Variants in WWP2 observed in about 807,000 individuals in gnomAD.
WWP2 encodes the protein WW domain containing E3 ubiquitin protein ligase 2.
In WWP2, 57 loss-of-function variants were observed where a neutral mutation model predicts 121.0. The observed-to-expected ratio is 0.47, with a 90% CI of 0.38 to 0.59. The LOEUF (loss-of-function observed/expected upper bound fraction) is 0.59, where lower values mean the gene tolerates loss of function less well. Among genes scored for constraint, WWP2 ranks in the 20% least tolerant of loss-of-function variants. WWP2 has a pLI of 0.00. For synonymous variants in WWP2, 449 were observed against 441.3 expected (o/e 1.02, Z -0.22); for missense variants, 962 against 1,158.9 (o/e 0.83, Z 2.47).
At position 69,939,023 on chromosome 16, in the gene WWP2, C is replaced by T. The variant is rs1043500340; in HGVS notation, c.2344-4C>T. On this transcript the variant is annotated splice_region_variant and splice_polypyrimidine_tract_variant and intron_variant, in intron 21 of 23. Coordinates refer to ENST00000359154, the MANE Select transcript of WWP2 (RefSeq NM_001270454.2). Reference sequence around the variant, plus strand: ...TGACTGTGCCTTGACTTGCGGACTTCCAGGTGGTGAAGGAGATGGACAACG... The same window carrying T: ...TGACTGTGCCTTGACTTGCGGACTTTCAGGTGGTGAAGGAGATGGACAACG... 1 of 1,598,034 alleles carries T rather than the reference C, an allele frequency of 6.3e-7. No homozygotes were observed. The highest frequency in any genetic ancestry group is 8.5e-7 in the Non-Finnish European group (1 of 1,171,430).
chr16:69,848,197 T>A (rs1411206667), intron 6 of WWP2, among the ~76,000 whole-genome samples: 1 of 152,178 alleles, frequency 6.6e-6, no homozygotes, highest in Non-Finnish European at 1.5e-5. Context: ...CTGGGTGTAA[T>A]CCCAGCGCTT....
intron 7 of WWP2, among the ~76,000 whole-genome samples, chr16:69,885,806 G>A (rs2057912776): frequency 6.6e-6 from 1 of 152,134 alleles, no homozygotes; most frequent in Non-Finnish European, 1.5e-5. Flanking sequence ...TGCGTGTGAG[G>A]CCTAAATGAG....
intron 6 of WWP2, among the ~76,000 whole-genome samples, chr16:69,865,964 G>T (rs1162132394): frequency 6.6e-6 from 1 of 152,176 alleles, no homozygotes; most frequent in African/African-American, 2.4e-5. Context: ...CAAGTCTTTT[G>T]AGAGGGTTGA....
At chr16:69,862,864 C>T (rs1296071406) in intron 6 of WWP2, among the ~76,000 whole-genome samples, 1 of 151,866 alleles carries the variant, frequency 6.6e-6, no homozygotes, top group Non-Finnish European at 1.5e-5. Flanking sequence ...TAGCTGGGAT[C>T]ACAGGCACTT....
At chr16:69,875,049 T>A (rs1056051989) in intron 7 of WWP2, among the ~76,000 whole-genome samples, 3 of 151,858 alleles carry the variant, frequency 2.0e-5, no homozygotes, top group Non-Finnish European at 4.4e-5. Flanking sequence ...AGCAAAAGTA[T>A]ATATCTCATA....
intron 8 of WWP2, among the ~76,000 whole-genome samples, chr16:69,892,231 T>G (rs7193038): frequency 0.64 from 97,135 of 151,896 alleles, 31,860 homozygotes; most frequent in East Asian, 0.94. Flanking sequence ...GGGTATATAT[T>G]TGCAGAATGT....
chr16:69,929,321 C>A, intron 11 of WWP2, 127 bp from the exon 12 acceptor site: 1 of 808,604 alleles, frequency 1.2e-6, no homozygotes. Context: ...TTGGCTGGTT[C>A]TTCTCTAACA....
intron 7 of WWP2, among the ~76,000 whole-genome samples, chr16:69,877,478 T>C (rs986584848): frequency 2.0e-5 from 3 of 152,220 alleles, no homozygotes; most frequent in Non-Finnish European, 4.4e-5. Flanking sequence ...CTATCACTTT[T>C]CTTGGTAAGG....
intron 1 of WWP2, among the ~76,000 whole-genome samples, chr16:69,779,942 C>CA (rs1237929416): frequency 2.0e-5 from 3 of 152,022 alleles, no homozygotes; most frequent in Non-Finnish European, 4.4e-5. Context: ...ATGAAGATAA[C>CA]AAACAGTCAT....
At chr16:69,820,685 C>G (rs2056576123) in intron 4 of WWP2, among the ~76,000 whole-genome samples, 2 of 114,946 alleles carry the variant, frequency 1.7e-5, no homozygotes, top group African/African-American at 5.3e-5. Context: ...GCGGTTCTCC[C>G]CATATACTAC....
rs1305529617 is a variant in WWP2, at chr16:69,799,384, GA to G, written c.340+90del. On this transcript the variant is annotated intron_variant, in intron 4 of 23. Coordinates refer to ENST00000359154, the MANE Select transcript of WWP2 (RefSeq NM_001270454.2). This position sits in a 1 kb window ranked among gnomAD's most constrained non-coding sequence, Gnocchi z 4.5. ...AACCTGGTATTGCAATTTCCCCCAG[GA>G]CTAGGGGCTGCAGTACCTCTGTTCT... is the stretch of plus-strand genomic sequence containing the variant. The G allele has an allele frequency of 3.0e-5, 45 of 1,520,134 alleles. No homozygotes were observed. Among genetic ancestry groups the G allele is most frequent in the Non-Finnish European group, 3.8e-5 (43 of 1,130,454 alleles). The allele number at this position is 1,520,134 out of a possible 1,614,324, so 94.2% of individuals were successfully genotyped here.
intron 4 of WWP2, among the ~76,000 whole-genome samples, chr16:69,814,040 A>C (rs2056444848): frequency 6.6e-6 from 1 of 152,170 alleles, no homozygotes; most frequent in Non-Finnish European, 1.5e-5. Context: ...TATGTCAGAC[A>C]CCTAAATTCT....
intron 9 of WWP2, among the ~76,000 whole-genome samples, chr16:69,911,659 T>A (rs754931807): frequency 9.2e-5 from 14 of 152,166 alleles, no homozygotes; most frequent in Admixed American, 2.6e-4. Context: ...AAGAGTGCAA[T>A]CGTGCTTCTT....
chr16:69,853,871 A>G (rs928526952), intron 6 of WWP2, among the ~76,000 whole-genome samples: 1 of 152,186 alleles, frequency 6.6e-6, no homozygotes, highest in Non-Finnish European at 1.5e-5. Flanking sequence ...GCTAATGAAG[A>G]TGTCACTTTA....
chr16:69,793,459 C>T (rs1212753881), intron 2 of WWP2, among the ~76,000 whole-genome samples: 1 of 152,138 alleles, frequency 6.6e-6, no homozygotes, highest in Non-Finnish European at 1.5e-5. Context: ...AGTTATCACT[C>T]AGATCAGTCT....
chr16:69,765,835 G>A (rs1431702169), intron 1 of WWP2, among the ~76,000 whole-genome samples: 2 of 152,128 alleles, frequency 1.3e-5, no homozygotes, highest in African/African-American at 2.4e-5. Flanking sequence ...CTTTTGGAGA[G>A]ATGGGGAGTT....
chr16:69,939,743 TG>T, intron 23 of WWP2, 97 bp from the exon 24 acceptor site: 1 of 1,109,394 alleles, frequency 9.0e-7, no homozygotes, highest in South Asian at 1.5e-5. Context: ...CTAGCCAGTG[TG>T]GTGCAAGCCC....
chr16:69,794,603 G>T (rs907564123), intron 2 of WWP2, among the ~76,000 whole-genome samples: 1 of 152,120 alleles, frequency 6.6e-6, no homozygotes, highest in Non-Finnish European at 1.5e-5. Flanking sequence ...ACCAAGGACA[G>T]CCTAGAAATC....
At chr16:69,780,379 T>C (rs779619213) in intron 1 of WWP2, among the ~76,000 whole-genome samples, 2 of 149,208 alleles carry the variant, frequency 1.3e-5, no homozygotes, top group Non-Finnish European at 2.9e-5. Context: ...CATTCCCCCA[T>C]TGATGGGTAT....
Sources: allele counts gnomAD v4.1 joint callset (sites outside exome capture counted in the v4.1 genomes callset), GRCh38; gene constraint gnomAD v4.1.1; non-coding constraint Gnocchi (gnomAD v3.1); transcripts MANE v1.5; gene names NCBI Gene and HGNC (gene_info 2026-07-23, HGNC 2026-07-21).